Variants in MICAL3 observed in about 807,000 individuals in gnomAD.
The protein encoded by MICAL3 is microtubule associated monooxygenase, calponin and LIM domain containing 3.
In MICAL3, 62 loss-of-function variants were observed where a neutral mutation model predicts 207.4. The observed-to-expected ratio is 0.30, with a 90% CI of 0.24 to 0.37. The LOEUF (loss-of-function observed/expected upper bound fraction) is 0.37, where lower values mean the gene tolerates loss of function less well. Ranked by LOEUF, MICAL3 falls within the 10% of genes least tolerant of loss-of-function variation. The pLI is 1.00. For synonymous variants in MICAL3, 1,077 were observed against 1,069.3 expected (o/e 1.01, Z -0.14); for missense variants, 2,368 against 2,635.6 (o/e 0.90, Z 2.22).
At chr22:17,953,132 T>C (rs1418039834) in intron 1 of MICAL3, among the ~76,000 whole-genome samples, 1 of 152,202 alleles carries the variant, frequency 6.6e-6, no homozygotes, top group Admixed American at 6.5e-5. Flanking sequence ...AGCACTCCCA[T>C]ATCTTTCCTC....
chr22:18,000,859 G>A (rs1157238402), intron 1 of MICAL3, among the ~76,000 whole-genome samples: 1 of 152,226 alleles, frequency 6.6e-6, no homozygotes, highest in Non-Finnish European at 1.5e-5. Context: ...CGGGGCAGCG[G>A]GACGGGGAGG....
intron 1 of MICAL3, among the ~76,000 whole-genome samples, chr22:17,909,180 C>T (rs1244117286): frequency 2.0e-5 from 3 of 152,174 alleles, no homozygotes. Context: ...GGGCTTTTCG[C>T]CTCAAATATA....
At chr22:17,810,314 T>C (rs754180402) in intron 28 of MICAL3, among the ~76,000 whole-genome samples, 64 of 152,234 alleles carry the variant, frequency 4.2e-4, no homozygotes, top group Middle Eastern at 3.4e-3. Context: ...CCGCCCGCCT[T>C]GGCCTCCCAA....
At chr22:17,852,499 T>C (rs1395449526) in intron 19 of MICAL3, among the ~76,000 whole-genome samples, 2 of 152,174 alleles carry the variant, frequency 1.3e-5, no homozygotes, top group Non-Finnish European at 2.9e-5. Flanking sequence ...AGGCTGATGG[T>C]GCAGGAGCGC....
intron 1 of MICAL3, among the ~76,000 whole-genome samples, chr22:17,918,963 T>G (rs1932711802): frequency 6.6e-6 from 1 of 152,194 alleles, no homozygotes; most frequent in Non-Finnish European, 1.5e-5. Flanking sequence ...TGCCAGCTTC[T>G]CAGTGTGGAC....
Position 17,970,947 on chromosome 22 carries a change from C to T in MICAL3, c.-75+53334G>A, listed in dbSNP as rs1016591768. On this transcript the variant is annotated intron_variant, in intron 1 of 31. Transcript: ENST00000441493. ...CTGTGATCCCAGCATTTTGGGAGGT[C>T]GAAGTGGGCAGATTGCTTGAGCTCA... Among the ~76,000 whole-genome samples the T allele has an allele frequency of 2.6e-5, 4 of 152,110 alleles. 1 individual carries two copies. The South Asian group carries it at 6.2e-4, about 24-fold the overall frequency.
chr22:17,899,431 G>A lies in MICAL3; in HGVS notation c.948+17C>T. 1 of 1,529,322 alleles carries A rather than the reference G, an allele frequency of 6.5e-7. No homozygotes were observed. The highest frequency in any genetic ancestry group is 9.0e-7 in the Non-Finnish European group (1 of 1,110,064). 94.7% of individuals were successfully genotyped at this position (1,529,322 alleles called of 1,614,324 possible). On this transcript the variant is annotated intron_variant, in intron 7 of 31. Coordinates refer to ENST00000441493, the MANE Select transcript of MICAL3 (RefSeq NM_015241.3). The stretch of plus-strand genomic sequence containing the variant: ...CACTTCAATAAGAAAGAGTTTTGAA[G>A]GAAATCCGTGGCTCACATGTAGTAT...
At chr22:17,881,780 A>C (rs1929453749) in intron 16 of MICAL3, among the ~76,000 whole-genome samples, 1 of 152,198 alleles carries the variant, frequency 6.6e-6, no homozygotes, top group Admixed American at 6.5e-5. Flanking sequence ...ATGGAGGCTC[A>C]AAGGGCTCCA....
intron 1 of MICAL3, among the ~76,000 whole-genome samples, chr22:17,996,123 C>A (rs890332186): frequency 1.5e-5 from 2 of 132,410 alleles, no homozygotes; most frequent in African/African-American, 5.8e-5. Context: ...GAGTGAGATG[C>A]TGTCTCAATT....
intron 20 of MICAL3, among the ~76,000 whole-genome samples, chr22:17,838,820 C>G (rs1246549416): frequency 6.6e-6 from 1 of 152,110 alleles, no homozygotes; most frequent in African/African-American, 2.4e-5. Flanking sequence ...AAGGAAGGAC[C>G]GACGGCTGGA....
intron 29 of MICAL3, among the ~76,000 whole-genome samples, chr22:17,795,668 C>T (rs947939502): frequency 1.3e-5 from 2 of 152,244 alleles, no homozygotes; most frequent in African/African-American, 4.8e-5. Flanking sequence ...AAGGCTTTCT[C>T]CTAGCAAGAG....
chr22:17,848,163 C>T (rs758571805), intron 19 of MICAL3, among the ~76,000 whole-genome samples: 17 of 152,192 alleles, frequency 1.1e-4, no homozygotes, highest in Non-Finnish European at 2.4e-4. Context: ...GCAGCAAAAT[C>T]GGTCACAGTG....
At chr22:17,791,355 C>T (rs547155127) in intron 29 of MICAL3, 54 bp from the exon 30 acceptor site, 21 of 1,470,414 alleles carry the variant, frequency 1.4e-5, no homozygotes, top group African/African-American at 8.3e-5. Flanking sequence ...CACCCTGGCC[C>T]GCAGGAATCA....
intron 20 of MICAL3, among the ~76,000 whole-genome samples, chr22:17,835,056 G>A (rs529345114): frequency 6.6e-6 from 1 of 152,326 alleles, no homozygotes; most frequent in South Asian, 2.1e-4. Context: ...CTCACCCTGC[G>A]CCATGTCGTG....
chr22:17,966,115 G>T (rs1480156719), intron 1 of MICAL3, among the ~76,000 whole-genome samples: 1 of 152,184 alleles, frequency 6.6e-6, no homozygotes, highest in Non-Finnish European at 1.5e-5. Flanking sequence ...ATCATTCTCA[G>T]ACAGAACCCT....
At chr22:17,997,908 T>A (rs1238818665) in intron 1 of MICAL3, among the ~76,000 whole-genome samples, 1 of 150,164 alleles carries the variant, frequency 6.7e-6, no homozygotes, top group Non-Finnish European at 1.5e-5. Flanking sequence ...TGATCTGGTA[T>A]CTTTAAGTCC....
chr22:17,980,065 G>A (rs1021353197), intron 1 of MICAL3, among the ~76,000 whole-genome samples: 1 of 152,146 alleles, frequency 6.6e-6, no homozygotes, highest in African/African-American at 2.4e-5. Flanking sequence ...CTGGGCTCAA[G>A]TGATCCTCCC....
intron 1 of MICAL3, among the ~76,000 whole-genome samples, chr22:17,910,759 G>A (rs945377673): frequency 6.6e-6 from 1 of 152,172 alleles, no homozygotes; most frequent in Non-Finnish European, 1.5e-5. Context: ...GGGCTTACCC[G>A]GCATTCTCCT....
intron 16 of MICAL3, among the ~76,000 whole-genome samples, chr22:17,880,935 A>G (rs1929358683): frequency 6.6e-6 from 1 of 152,224 alleles, no homozygotes; most frequent in South Asian, 2.1e-4. Context: ...ATGCACGACA[A>G]ACATCAATTA....
Sources: gnomAD v4.1 joint callset for allele counts (sites outside exome capture counted in the v4.1 genomes callset) on GRCh38, gnomAD v4.1.1 for gene constraint, MANE v1.5 for transcripts, NCBI Gene and HGNC (gene_info 2026-07-23, HGNC 2026-07-21) for gene names.